Variants in SLC16A2 observed in about 807,000 individuals in gnomAD.
SLC16A2 encodes the protein solute carrier family 16 member 2, also known as monocarboxylate transporter 8.
In SLC16A2, 3 loss-of-function variants were observed where a neutral mutation model predicts 27.2. The observed-to-expected ratio is 0.11, with a 90% CI of 0.05 to 0.28. SLC16A2 has a LOEUF of 0.28. Ranked by LOEUF, SLC16A2 falls within the 10% of genes least tolerant of loss-of-function variation. The probability of loss-of-function intolerance (pLI) is 1.00; values close to 1 mark genes in which losing one functional copy is unlikely to be tolerated. For missense variants in SLC16A2, 295 were observed against 458.5 expected, an observed-to-expected ratio of 0.64 and a Z score of 3.26; for synonymous variants, 202 against 187.8, an observed-to-expected ratio of 1.08 and a Z score of -0.62.
intron 1 of SLC16A2, among the ~76,000 whole-genome samples, chrX:74,476,314 T>C (rs992434834): frequency 1.2e-4 from 14 of 112,251 alleles, no homozygotes; most frequent in African/African-American, 4.5e-4. Context: ...TTGTGATTTT[T>C]GTACATTGAT....
intron 1 of SLC16A2, among the ~76,000 whole-genome samples, chrX:74,455,016 C>A (rs1346331324): frequency 1.8e-5 from 2 of 112,336 alleles, no homozygotes; most frequent in African/African-American, 3.2e-5. Flanking sequence ...CAAGTGGGCA[C>A]TCTAAAGCCA....
intron 1 of SLC16A2, among the ~76,000 whole-genome samples, chrX:74,463,090 T>C (rs1331590632): frequency 9.0e-6 from 1 of 111,463 alleles, no homozygotes; most frequent in Non-Finnish European, 1.9e-5. Context: ...CTAGAGATTC[T>C]TCAGATTTTT....
chrX:74,423,479 C>A (rs1310424726), intron 1 of SLC16A2, among the ~76,000 whole-genome samples: 2 of 111,878 alleles, frequency 1.8e-5, no homozygotes, highest in African/African-American at 6.5e-5. Flanking sequence ...CTGGACTTCC[C>A]TGGCAGAAGG....
chrX:74,454,645 T>A (rs923461393), intron 1 of SLC16A2, among the ~76,000 whole-genome samples: 36 of 108,729 alleles, frequency 3.3e-4, no homozygotes, highest in African/African-American at 1.1e-3. Flanking sequence ...AGTTAATGGG[T>A]GCAGCACACC....
chrX:74,454,841 A>T (rs1298259688), intron 1 of SLC16A2, among the ~76,000 whole-genome samples: 5 of 111,934 alleles, frequency 4.5e-5, no homozygotes, highest in Non-Finnish European at 9.4e-5. Flanking sequence ...ATGATTCTTT[A>T]TTCAGTAGCT....
chrX:74,426,259 C>T (rs1010688597), intron 1 of SLC16A2, among the ~76,000 whole-genome samples: 1 of 112,266 alleles, frequency 8.9e-6, no homozygotes, highest in Non-Finnish European at 1.9e-5. Flanking sequence ...GTTGGCTTAG[C>T]GCCTGCTGTG....
Position 74,495,780 on chromosome X carries a change from T to C in SLC16A2, c.431-25210T>C, listed in dbSNP as rs185980696. ...CAGGAAGGTCTTCCTGCCTTTTTGCTTCTGTCTCTGAGCCTTGTTTCCTCT... is the reference window on the plus strand; with the variant it reads ...CAGGAAGGTCTTCCTGCCTTTTTGCCTCTGTCTCTGAGCCTTGTTTCCTCT... On this transcript the variant is annotated intron_variant, in intron 1 of 5. Coordinates refer to ENST00000587091, the MANE Select transcript of SLC16A2 (RefSeq NM_006517.5). 7.2e-5 allele frequency among the ~76,000 whole-genome samples: 8 copies of C among 111,568 alleles called. No individual in the cohort carries two copies. The East Asian group carries it at 2.3e-3, about 32-fold the overall frequency.
chrX:74,490,507 G>C (rs1445914312), intron 1 of SLC16A2, among the ~76,000 whole-genome samples: 1 of 111,114 alleles, frequency 9.0e-6, no homozygotes, highest in African/African-American at 3.3e-5. Context: ...TTCCTCTCTG[G>C]AGGTCTAAGC....
chrX:74,476,707 A>G (rs1929487518), intron 1 of SLC16A2, among the ~76,000 whole-genome samples: 2 of 112,069 alleles, frequency 1.8e-5, no homozygotes, highest in East Asian at 5.6e-4. Context: ...AATTTTGTCA[A>G]AGGCCTTTTC....
At chrX:74,495,526 C>T (rs1268758071) in intron 1 of SLC16A2, among the ~76,000 whole-genome samples, 1 of 109,512 alleles carries the variant, frequency 9.1e-6, no homozygotes, top group African/African-American at 3.3e-5. Context: ...ACTGATCTGG[C>T]CAGAGAGTCC....
At chrX:74,427,696 C>T (rs931329720) in intron 1 of SLC16A2, among the ~76,000 whole-genome samples, 3 of 111,126 alleles carry the variant, frequency 2.7e-5, no homozygotes, top group African/African-American at 9.8e-5. Context: ...AGTGGGATTT[C>T]CTGTCTTGAA....
chrX:74,479,648 A>G (rs1232074019), intron 1 of SLC16A2, among the ~76,000 whole-genome samples: 1 of 111,857 alleles, frequency 8.9e-6, no homozygotes, highest in Non-Finnish European at 1.9e-5. Context: ...ATGGTGATGT[A>G]CAGATGGGGT....
At chrX:74,463,638 T>A (rs748251608) in intron 1 of SLC16A2, among the ~76,000 whole-genome samples, 1 of 111,016 alleles carries the variant, frequency 9.0e-6, no homozygotes, top group African/African-American at 3.3e-5. Flanking sequence ...GCCATTCTCC[T>A]GCCTCAGCCT....
At chrX:74,497,847 TG>T (rs35062408) in intron 1 of SLC16A2, among the ~76,000 whole-genome samples, 3 of 53,666 alleles carry the variant, frequency 5.6e-5, no homozygotes, top group African/African-American at 2.1e-4. Context: ...TGTATGGGGG[TG>T]GGGGGGATGA....
chrX:74,505,154 T>A (rs1930102622), intron 1 of SLC16A2, among the ~76,000 whole-genome samples: 1 of 111,293 alleles, frequency 9.0e-6, no homozygotes. Flanking sequence ...GAAAAAAAAA[T>A]TCTAAAGGAG....
chrX:74,458,395 C>T (rs1929073483), intron 1 of SLC16A2, among the ~76,000 whole-genome samples: 1 of 111,818 alleles, frequency 8.9e-6, no homozygotes, highest in Non-Finnish European at 1.9e-5. Context: ...GTTGCCCAGG[C>T]TGGAGTGCAA....
intron 1 of SLC16A2, among the ~76,000 whole-genome samples, chrX:74,500,402 T>C (rs897315928): frequency 8.9e-6 from 1 of 111,925 alleles, no homozygotes; most frequent in African/African-American, 3.2e-5. Context: ...ATAGAATGTA[T>C]ATTTTAAAAA....
rs1406873279 is a variant in SLC16A2 at position 74,421,783 on chromosome X, C to T, written c.146C>T (p.Pro49Leu). ...CCCGAGCCCGTGCCAGTGCCCCCGC[C>T]CGAGCCCCAGCCGGAGCCCCAGCCC... ...PEPEPVPVPP[P>L]EPQPEPQPLP... The change falls in exon 1 of 6, where the codon CCC (proline) becomes CTC (leucine). Residue 49 changes from proline (P) to leucine (L), a missense_variant. By Grantham distance (98) the Pro-to-Leu change is moderately conservative. Transcript: ENST00000587091. The T allele has an allele frequency of 1.7e-6, 2 of 1,148,424 alleles. No individual in the cohort carries two copies. Among genetic ancestry groups the T allele is most frequent in the Admixed American group, 5.0e-5 (2 of 39,807 alleles). 94.6% of individuals were successfully genotyped at this position (1,148,424 alleles called of 1,213,427 possible). A position where few individuals can be genotyped will look rare whatever the true frequency, so the allele number is the denominator to read the frequency against.
At chrX:74,470,676 G>A (rs868246835) in intron 1 of SLC16A2, among the ~76,000 whole-genome samples, 3 of 111,854 alleles carry the variant, frequency 2.7e-5, no homozygotes, top group African/African-American at 9.8e-5. Context: ...GCCAGGCGCG[G>A]TGGCTAACAC....
Sources: allele counts gnomAD v4.1 joint callset (sites outside exome capture counted in the v4.1 genomes callset), GRCh38; gene constraint gnomAD v4.1.1; transcripts MANE v1.5; gene names NCBI Gene and HGNC (gene_info 2026-07-23, HGNC 2026-07-21).